Variants in DDR2 observed in about 807,000 individuals in gnomAD.
DDR2 encodes discoidin domain receptor tyrosine kinase 2.
DDR2 carries 27 observed loss-of-function variants against 94.9 expected under a neutral mutation model. That is an observed-to-expected ratio of 0.28 (90% CI 0.21 to 0.39). The LOEUF (loss-of-function observed/expected upper bound fraction) is 0.39. Ranked by LOEUF, DDR2 falls within the 10% of genes least tolerant of loss-of-function variation. The pLI is 1.00. For missense variants in DDR2, 783 were observed against 1,076.0 expected (o/e 0.73, Z 3.81); for synonymous variants, 382 against 377.2 (o/e 1.01, Z -0.15).
In DDR2 at chr1:162,780,556, G is replaced by T. The variant is rs865980532; in HGVS notation, c.*310G>T. On this transcript the variant is annotated 3_prime_UTR_variant, in exon 18 of 18. Coordinates refer to ENST00000367921, the MANE Select transcript of DDR2 (RefSeq NM_006182.4). ...CTAGAAAATTCAGATAATTTATAAAGGTTAACTATACTTGTGCTTATAAAT... is the reference window on the plus strand; with the variant it reads ...CTAGAAAATTCAGATAATTTATAAATGTTAACTATACTTGTGCTTATAAAT... 6.0e-6 allele frequency: 2 copies of T among 333,718 alleles called. No individual in the cohort carries two copies. Among genetic ancestry groups the T allele is most frequent in the African/African-American group, 2.1e-5 (1 of 47,522 alleles). The allele number at this position is 333,718 out of a possible 1,614,324, so 20.7% of individuals were successfully genotyped here.
chr1:162,675,878 A>G (rs1052832256), intron 2 of DDR2, among the ~76,000 whole-genome samples: 1 of 152,194 alleles, frequency 6.6e-6, no homozygotes, highest in Non-Finnish European at 1.5e-5. Context: ...GAGAGCTGAA[A>G]GTGTAGACAG....
intron 2 of DDR2, among the ~76,000 whole-genome samples, chr1:162,717,853 G>T (rs1324385699): frequency 6.6e-6 from 1 of 152,194 alleles, no homozygotes; most frequent in East Asian, 1.9e-4. Context: ...GTGTTTGTCA[G>T]ATTTCTCCAC....
At chr1:162,684,136 C>G (rs941143637) in intron 2 of DDR2, among the ~76,000 whole-genome samples, 6 of 152,178 alleles carry the variant, frequency 3.9e-5, no homozygotes, top group Admixed American at 1.3e-4. Context: ...GACTCAGAGT[C>G]AGGAAGCCCA....
Position 162,754,865 on chromosome 1 carries a change from AGAGACATCCAGATCCTG to A in DDR2, c.417+13_417+29del. Reference sequence around the variant, plus strand: ...CCGTCATGGGAAACAGGTAGGAAGAAGAGACATCCAGATCCTGGATGTCCAAGACCATATTTTGACTT... The same window carrying A: ...CCGTCATGGGAAACAGGTAGGAAGAAGATGTCCAAGACCATATTTTGACTT... On this transcript the variant is annotated intron_variant, in intron 5 of 17. Transcript: ENST00000367921. The A allele has an allele frequency of 6.2e-7, 1 of 1,613,866 alleles. No individual in the cohort carries two copies. Among genetic ancestry groups the A allele is most frequent in the Non-Finnish European group, 8.5e-7 (1 of 1,179,878 alleles).
chr1:162,674,046 T>A (rs1659013082), intron 2 of DDR2, among the ~76,000 whole-genome samples: 1 of 152,208 alleles, frequency 6.6e-6, no homozygotes, highest in African/African-American at 2.4e-5. Context: ...GAGCTCCAGA[T>A]TAGATAACAA....
chr1:162,760,051 C>G, intron 8 of DDR2, 72 bp downstream of exon 8: 1 of 1,604,608 alleles, frequency 6.2e-7, no homozygotes, highest in Non-Finnish European at 8.5e-7. Flanking sequence ...AAAAGGCATG[C>G]TAGAAAAAAG....
Position 162,778,662 on chromosome 1 carries a change from A to G in DDR2, c.2366A>G (p.Tyr789Cys). The G allele has an allele frequency of 6.2e-7, 1 of 1,614,024 alleles. No homozygotes were observed. Among genetic ancestry groups the G allele is most frequent in the Non-Finnish European group, 8.5e-7 (1 of 1,179,916 alleles). ...ETFTFCQEQP[Y>C]SQLSDEQVIE... ...TTCACCTTTTGTCAAGAACAGCCCT[A>G]TTCCCAGCTGTCAGATGAACAGGTT... Residue 789 changes from tyrosine to cysteine, a missense_variant, in exon 17 of 18, where the codon TAT (tyrosine) becomes TGT (cysteine). Around this residue, in one of 2 missense-constraint regions of DDR2, gnomAD observed 264 missense variants for 428.2 expected, o/e 0.62. Coordinates refer to ENST00000367921, the MANE Select transcript of DDR2 (RefSeq NM_006182.4).
intron 1 of DDR2, among the ~76,000 whole-genome samples, chr1:162,649,525 A>G (rs1342229889): frequency 6.6e-6 from 1 of 151,958 alleles, no homozygotes; most frequent in African/African-American, 2.4e-5. Context: ...TTCTAAATGA[A>G]CTCTTCAGCT....
At chr1:162,757,683 G>A (rs1048593335) in intron 7 of DDR2, among the ~76,000 whole-genome samples, 7 of 152,120 alleles carry the variant, frequency 4.6e-5, no homozygotes, top group African/African-American at 7.2e-5. Context: ...TTGGAGCTGT[G>A]CTTTAGACAG....
Position 162,767,377 on chromosome 1 carries a change from G to T in DDR2, c.1293+18G>T, listed in dbSNP as rs772730025. 21 of 1,613,240 alleles carry T rather than the reference G, an allele frequency of 1.3e-5. No individual in the cohort carries two copies. The East Asian group carries it at 4.7e-4, about 36-fold the overall frequency. ...TGGAGAAGGTGAGGAGGTGCAGAAT[G>T]GTCATGATATAAGAAACTGCTCCTT... On this transcript the variant is annotated intron_variant, in intron 11 of 17. Coordinates refer to ENST00000367921, the MANE Select transcript of DDR2 (RefSeq NM_006182.4).
chr1:162,747,872 A>G (rs576438389), intron 3 of DDR2, among the ~76,000 whole-genome samples: 3 of 152,352 alleles, frequency 2.0e-5, no homozygotes, highest in East Asian at 1.9e-4. Flanking sequence ...AAGAATTTTT[A>G]ACCCAGAATT....
At chr1:162,747,799 C>A (rs554451467) in intron 3 of DDR2, among the ~76,000 whole-genome samples, 1 of 152,220 alleles carries the variant, frequency 6.6e-6, no homozygotes, top group Non-Finnish European at 1.5e-5. Context: ...AATAGCGGAT[C>A]TCTCAGCAGA....
In DDR2 at chr1:162,755,370, A is replaced by G. The variant is rs1051352525; in HGVS notation, c.565+67A>G. 10 of 1,588,722 alleles carry G rather than the reference A, an allele frequency of 6.3e-6. No homozygotes were observed. In the African/African-American group the frequency reaches 1.1e-4, roughly 17 times the overall value. ...CTCCAACTTCTGGGAAATGAAGGCA[A>G]TCAAATCAGAAAGGGATGGGATCAG... On this transcript the variant is annotated intron_variant, in intron 6 of 17. Coordinates refer to ENST00000367921, the MANE Select transcript of DDR2 (RefSeq NM_006182.4).
At chr1:162,767,499 G>T (rs1202962362) in intron 11 of DDR2, 140 bp downstream of exon 11, 3 of 1,309,810 alleles carry the variant, frequency 2.3e-6, no homozygotes, top group South Asian at 1.3e-5. Context: ...ACATAGGAAT[G>T]AAGCCAGAAT....
intron 17 of DDR2, among the ~76,000 whole-genome samples, chr1:162,779,606 A>G (rs954855493): frequency 6.6e-6 from 1 of 152,222 alleles, no homozygotes; most frequent in Non-Finnish European, 1.5e-5. Context: ...TTGTATCTTG[A>G]TACTCTGTAA....
chr1:162,684,812 AACACACACAC>A lies in DDR2; in HGVS notation c.-28+29472_-28+29481del, dbSNP rs56958157. ...ACAGAAACACACAAACACACCCACCAACACACACACACACACACACACACACACACACACA... is the reference window on the plus strand; with the variant it reads ...ACAGAAACACACAAACACACCCACCAACACACACACACACACACACACACA... On this transcript the variant is annotated intron_variant, in intron 2 of 17. Transcript: ENST00000367921. 8.5e-3 allele frequency among the ~76,000 whole-genome samples: 1,167 copies of A among 138,014 alleles called. 17 individuals are homozygous for A. The highest frequency in any genetic ancestry group is 0.019 in the African/African-American group (707 of 37,978). The allele number at this position is 138,014 out of a possible 152,430, so 90.5% of individuals were successfully genotyped here.
chr1:162,711,337 T>C (rs1411309314), intron 2 of DDR2, among the ~76,000 whole-genome samples: 1 of 152,246 alleles, frequency 6.6e-6, no homozygotes, highest in Non-Finnish European at 1.5e-5. Context: ...CTGAATGTTA[T>C]TTTAAATGTA....
At chr1:162,723,643 G>A (rs796579840) in intron 3 of DDR2, among the ~76,000 whole-genome samples, 4 of 152,312 alleles carry the variant, frequency 2.6e-5, no homozygotes, top group South Asian at 4.1e-4. Flanking sequence ...AAACACAGGG[G>A]TGCTTGTTCT....
intron 3 of DDR2, among the ~76,000 whole-genome samples, chr1:162,733,750 A>AAT (rs1232675472): frequency 1.3e-5 from 2 of 152,184 alleles, no homozygotes; most frequent in Non-Finnish European, 2.9e-5. Flanking sequence ...GGGGAAAAGG[A>AAT]AGAATCTGAC....
Sources: allele counts gnomAD v4.1 joint callset (sites outside exome capture counted in the v4.1 genomes callset), GRCh38; gene constraint gnomAD v4.1.1; regional missense constraint gnomAD v4.1.1; transcripts MANE v1.5; gene names NCBI Gene and HGNC (gene_info 2026-07-23, HGNC 2026-07-21).